The following PTPN9 variants were observed in gnomAD, a reference collection of about 807,000 sequenced individuals.
PTPN9 encodes protein tyrosine phosphatase non-receptor type 9.
In PTPN9, 26 loss-of-function variants were observed where a neutral mutation model predicts 69.8. The observed-to-expected ratio is 0.37, with a 90% confidence interval of 0.27 to 0.52. PTPN9 has a LOEUF of 0.52. PTPN9 is among the 20% of genes least tolerant of loss of function. PTPN9 has a pLI of 0.91. For synonymous variants in PTPN9, 274 were observed against 272.5 expected (o/e 1.01, Z -0.05); for missense variants, 549 against 740.3 (o/e 0.74, Z 3.00).
intron 1 of PTPN9, among the ~76,000 whole-genome samples, chr15:75,556,036 CAAAAAAAAAAAAA>C (rs75583219): frequency 2.3e-5 from 1 of 43,284 alleles, no homozygotes; most frequent in Non-Finnish European, 4.6e-5. Context: ...ACCCCCGTCT[CAAAAAAAAAAAAA>C]AAAAAAAAAA....
Position 75,468,883 on chromosome 15 carries a change from G to A in PTPN9, c.1668C>T (p.Phe556=). 1.2e-6 allele frequency: 2 copies of A among 1,614,210 alleles called. No homozygotes were observed. Among genetic ancestry groups the A allele is most frequent in the Non-Finnish European group, 1.7e-6 (2 of 1,180,022 alleles). The change falls in exon 13 of 13, where the codon TTC becomes TTT. Residue 556 remains phenylalanine (F), a synonymous_variant. Transcript: ENST00000618819. ...AGTACTGCTCAGGGGTCTGGATGCTGAAGGCCCTCTGGGTCCTCATGCGTG... is the reference window on the plus strand; with the variant it reads ...AGTACTGCTCAGGGGTCTGGATGCTAAAGGCCCTCTGGGTCCTCATGCGTG... ...TVSRMRTQRA[F]SIQTPEQYYF... is the part of the protein sequence containing the mutation.
chr15:75,499,432 G>T (rs934639456), intron 7 of PTPN9, among the ~76,000 whole-genome samples: 5 of 125,366 alleles, frequency 4.0e-5, no homozygotes, highest in African/African-American at 1.3e-4. Context: ...TTGAGACAGA[G>T]TCTTGCTCTA....
chr15:75,490,806 T>C (rs1245625563), intron 7 of PTPN9, among the ~76,000 whole-genome samples: 1 of 152,060 alleles, frequency 6.6e-6, no homozygotes, highest in African/African-American at 2.4e-5. Context: ...TTTGTATTTT[T>C]AGTAGAGACG....
intron 7 of PTPN9, among the ~76,000 whole-genome samples, chr15:75,497,897 T>A (rs1237207115): frequency 6.6e-6 from 1 of 151,210 alleles, no homozygotes; most frequent in African/African-American, 2.4e-5. Flanking sequence ...TGTAAAATCT[T>A]AAAAAATTTC....
intron 1 of PTPN9, among the ~76,000 whole-genome samples, chr15:75,551,122 A>G (rs2075055082): frequency 6.6e-6 from 1 of 152,148 alleles, no homozygotes; most frequent in South Asian, 2.1e-4. Context: ...TTTTTTTCAG[A>G]CATGAAATCT....
In PTPN9 at chr15:75,524,313, C is replaced by T; in HGVS notation, c.208-15G>A. On this transcript the variant is annotated splice_polypyrimidine_tract_variant and intron_variant, in intron 2 of 12. Transcript: ENST00000618819. ...CTTCGAGTTTCCTAAAAAGGAAGCA[C>T]AGCAAAATGTATTAATATGAAAATA... 1.3e-6 allele frequency: 2 copies of T among 1,532,766 alleles called. No homozygotes were observed. Among genetic ancestry groups the T allele is most frequent in the Non-Finnish European group, 1.8e-6 (2 of 1,106,872 alleles). 94.9% of individuals were successfully genotyped at this position (1,532,766 alleles called of 1,614,324 possible). A position where few individuals can be genotyped will look rare whatever the true frequency, so the allele number is the denominator to read the frequency against.
chr15:75,494,961 T>C lies in PTPN9; in HGVS notation c.969-4660A>G, dbSNP rs1463211739. Among the ~76,000 whole-genome samples the C allele has an allele frequency of 2.0e-5, 3 of 151,796 alleles. No individual in the cohort carries two copies. In the East Asian group the frequency reaches 5.9e-4, roughly 30 times the overall value. On this transcript the variant is annotated intron_variant, in intron 7 of 12. Transcript: ENST00000618819. Reference sequence around the variant, plus strand: ...ATCACTTGAACCCAGAAGGTGGAGGTTGCGGTGAGCTGAGATTGTGCCACT... The same window carrying C: ...ATCACTTGAACCCAGAAGGTGGAGGCTGCGGTGAGCTGAGATTGTGCCACT...
intron 1 of PTPN9, among the ~76,000 whole-genome samples, chr15:75,569,798 C>T (rs1893163437): frequency 6.6e-6 from 1 of 151,502 alleles, no homozygotes; most frequent in Non-Finnish European, 1.5e-5. Context: ...TTAATATTCA[C>T]AAAACTAAAG....
chr15:75,502,204 C>T (rs1158265388), intron 7 of PTPN9, among the ~76,000 whole-genome samples: 3 of 151,830 alleles, frequency 2.0e-5, no homozygotes, highest in African/African-American at 7.3e-5. Context: ...CCCAGCACTT[C>T]GGGAGGCTGA....
At position 75,490,232 on chromosome 15, in the gene PTPN9, T is replaced by C. The variant is rs1455558170; in HGVS notation, c.1038A>G (p.Leu346=). Residue 346 remains leucine (L), a synonymous_variant, in exon 8 of 13, where the codon CTA becomes CTG. Transcript: ENST00000618819. ...CCTGAGTATGGCCACTTCGCTTTGTTAGCTTCACTCTAGTTTGGTCCAGGC... is the reference window on the plus strand; with the variant it reads ...CCTGAGTATGGCCACTTCGCTTTGTCAGCTTCACTCTAGTTTGGTCCAGGC... ...VPCLDQTRVK[L]TKRSGHTQTD... is the part of the protein sequence containing the mutation. The C allele has an allele frequency of 6.2e-7, 1 of 1,613,346 alleles. No homozygotes were observed. Among genetic ancestry groups the C allele is most frequent in the Non-Finnish European group, 8.5e-7 (1 of 1,179,256 alleles).
At chr15:75,539,227 G>C (rs1466797971) in intron 1 of PTPN9, among the ~76,000 whole-genome samples, 1 of 146,552 alleles carries the variant, frequency 6.8e-6, no homozygotes, top group East Asian at 2.1e-4. Context: ...GATTATAGGC[G>C]TGAGCCACTG....
chr15:75,480,712 CGGGA>C, intron 8 of PTPN9: 2 of 1,316,290 alleles, frequency 1.5e-6, no homozygotes, highest in Non-Finnish European at 2.0e-6. Context: ...GCCCCACAGC[CGGGA>C]GGATGGAGTT....
intron 8 of PTPN9, among the ~76,000 whole-genome samples, chr15:75,486,172 C>T (rs1211189356): frequency 6.6e-6 from 1 of 151,250 alleles, no homozygotes; most frequent in Non-Finnish European, 1.5e-5. Context: ...ATTGGAATAG[C>T]AGGAAGAACA....
intron 1 of PTPN9, among the ~76,000 whole-genome samples, chr15:75,563,310 T>TC (rs1402729829): frequency 3.9e-5 from 6 of 152,174 alleles, no homozygotes; most frequent in Non-Finnish European, 8.8e-5. Flanking sequence ...TGCCTCAGCC[T>TC]CCCAAGTAGC....
At chr15:75,555,497 TTTATTA>T (rs554256856) in intron 1 of PTPN9, among the ~76,000 whole-genome samples, 19 of 151,544 alleles carry the variant, frequency 1.3e-4, no homozygotes, top group South Asian at 1.0e-3. Flanking sequence ...TACTTTTCAT[TTTATTA>T]TTATTATTAT....
chr15:75,521,271 C>T (rs911711468), intron 4 of PTPN9, among the ~76,000 whole-genome samples: 1 of 147,586 alleles, frequency 6.8e-6, no homozygotes, highest in Non-Finnish European at 1.5e-5. Context: ...AGGTGAAACC[C>T]CATCTCTACT....
intron 1 of PTPN9, among the ~76,000 whole-genome samples, chr15:75,530,726 AAT>A (rs1285737671): frequency 9.7e-5 from 3 of 30,904 alleles, no homozygotes; most frequent in African/African-American, 2.6e-4. Flanking sequence ...TAATATATAT[AAT>A]ATATATTATT....
intron 1 of PTPN9, among the ~76,000 whole-genome samples, chr15:75,547,047 G>A (rs2075036191): frequency 6.6e-6 from 1 of 151,824 alleles, no homozygotes; most frequent in African/African-American, 2.4e-5. Flanking sequence ...TGTAATCCCA[G>A]CACTTTGGGA....
chr15:75,547,287 T>C (rs2075037240), intron 1 of PTPN9, among the ~76,000 whole-genome samples: 1 of 94,038 alleles, frequency 1.1e-5, no homozygotes, highest in Admixed American at 1.6e-4. Flanking sequence ...AGAGCAAGAC[T>C]CTGTCTCAAA....
Sources: gnomAD v4.1 joint callset for allele counts (sites outside exome capture counted in the v4.1 genomes callset) on GRCh38, gnomAD v4.1.1 for gene constraint, MANE v1.5 for transcripts, NCBI Gene and HGNC (gene_info 2026-07-23, HGNC 2026-07-21) for gene names.